The following DAB1 variants were observed in gnomAD, a reference collection of about 807,000 sequenced individuals.
The protein encoded by DAB1 is DAB adaptor protein 1, also known as disabled homolog 1.
DAB1 carries 15 observed loss-of-function variants against 64.6 expected under a neutral mutation model. The ratio of observed to expected loss-of-function variants is 0.23; its 90% CI spans 0.16 to 0.36. The LOEUF (loss-of-function observed/expected upper bound fraction) is 0.36, where lower values mean the gene tolerates loss of function less well. DAB1 is among the 10% of genes least tolerant of loss of function. The probability of loss-of-function intolerance (pLI) is 1.00; values close to 1 mark genes in which losing one functional copy is unlikely to be tolerated. For synonymous variants in DAB1, 235 were observed against 251.9 expected (o/e 0.93, Z 0.64); for missense variants, 596 against 706.7 (o/e 0.84, Z 1.78).
chr1:57,554,599 AATTC>A (rs1168680398), intron 7 of DAB1, among the ~76,000 whole-genome samples: 8 of 152,248 alleles, frequency 5.3e-5, no homozygotes, highest in Non-Finnish European at 1.5e-5. Flanking sequence ...ATGCGTTTTG[AATTC>A]CAAATAACTT....
chr1:57,138,418 T>C lies in DAB1; in HGVS notation c.208-1777A>G, dbSNP rs149341462. ...AGTGATTATCCTTTATATTGTGTTT[T>C]CCTTCTAGGGAGCCTAAGTCTCTCT... On this transcript the variant is annotated intron_variant, in intron 3 of 14. Transcript: ENST00000371236. Among the ~76,000 whole-genome samples, 257 of 152,230 alleles carry C rather than the reference T, an allele frequency of 1.7e-3. 2 individuals carry two copies. The highest frequency in any genetic ancestry group is 5.9e-3 in the African/African-American group (245 of 41,548).
intron 4 of DAB1, among the ~76,000 whole-genome samples, chr1:58,205,897 A>T (rs1658249268): frequency 1.3e-5 from 2 of 152,328 alleles, no homozygotes; most frequent in Admixed American, 1.3e-4. Context: ...GAGGGAACCC[A>T]GTTAGTCAAT....
chr1:58,108,320 G>A (rs964136405), intron 5 of DAB1, among the ~76,000 whole-genome samples: 1 of 152,166 alleles, frequency 6.6e-6, no homozygotes, highest in Admixed American at 6.5e-5. Flanking sequence ...AGACAGAATT[G>A]AGAGATACCA....
At chr1:58,309,306 A>G (rs1178474077) in intron 4 of DAB1, among the ~76,000 whole-genome samples, 4 of 152,126 alleles carry the variant, frequency 2.6e-5, no homozygotes, top group Non-Finnish European at 5.9e-5. Flanking sequence ...CGGAGCCTCA[A>G]ATGTTTGGTA....
chr1:57,240,223 C>T (rs192228946), intron 2 of DAB1, among the ~76,000 whole-genome samples: 1 of 152,208 alleles, frequency 6.6e-6, no homozygotes, highest in Non-Finnish European at 1.5e-5. Flanking sequence ...ACAAAATAAA[C>T]ATAAGGAAAA....
chr1:58,523,272 G>A (rs989445544), intron 2 of DAB1, among the ~76,000 whole-genome samples: 1 of 152,138 alleles, frequency 6.6e-6, no homozygotes, highest in Non-Finnish European at 1.5e-5. Flanking sequence ...GACTGGCTCT[G>A]TGTGGTCACG....
At chr1:58,453,073 C>G (rs1029292888) in intron 3 of DAB1, among the ~76,000 whole-genome samples, 1 of 152,172 alleles carries the variant, frequency 6.6e-6, no homozygotes, top group Non-Finnish European at 1.5e-5. Flanking sequence ...CAATTAAAAA[C>G]AACAACAAAC....
At chr1:57,951,332 A>ATATATATATATATATATATATAT (rs1491577001) in intron 5 of DAB1, among the ~76,000 whole-genome samples, 1 of 127,712 alleles carries the variant, frequency 7.8e-6, no homozygotes, top group Admixed American at 8.8e-5. Flanking sequence ...ATATATATAT[A>ATATATATATATATATATATATAT]CTTCCCTGGA....
At chr1:57,010,984 C>T (rs1418396446) in intron 13 of DAB1, among the ~76,000 whole-genome samples, 161 bp downstream of exon 13, 1 of 152,196 alleles carries the variant, frequency 6.6e-6, no homozygotes, top group Non-Finnish European at 1.5e-5. Flanking sequence ...TCAGCTGACT[C>T]ATTTGAACAC....
At chr1:57,080,253 C>T (rs1326102848) in intron 4 of DAB1, among the ~76,000 whole-genome samples, 1 of 152,148 alleles carries the variant, frequency 6.6e-6, no homozygotes, top group Middle Eastern at 3.2e-3. Context: ...TGGCAACTGT[C>T]ACTCTCCTTT....
At chr1:57,312,069 CTGT>C (rs1455158109) in intron 1 of DAB1, among the ~76,000 whole-genome samples, 1 of 152,212 alleles carries the variant, frequency 6.6e-6, no homozygotes, top group African/African-American at 2.4e-5. Flanking sequence ...TCATAACTGA[CTGT>C]TGTTACTCTC....
At chr1:58,198,377 A>G (rs1657807692) in intron 4 of DAB1, among the ~76,000 whole-genome samples, 1 of 152,242 alleles carries the variant, frequency 6.6e-6, no homozygotes, top group African/African-American at 2.4e-5. Context: ...TCATTCAAAA[A>G]GTGGCTGGGA....
At chr1:58,010,934 GTCAAGCATTT>G (rs1362687016) in intron 5 of DAB1, among the ~76,000 whole-genome samples, 1 of 152,236 alleles carries the variant, frequency 6.6e-6, no homozygotes, top group Non-Finnish European at 1.5e-5. Flanking sequence ...CTATCCTAGT[GTCAAGCATTT>G]TCTTATAAAT....
At chr1:57,910,295 C>T (rs753089645) in intron 5 of DAB1, among the ~76,000 whole-genome samples, 4 of 152,072 alleles carry the variant, frequency 2.6e-5, no homozygotes, top group Admixed American at 1.3e-4. Flanking sequence ...TTTTGAACAT[C>T]TTTACTGCTG....
In DAB1 at chr1:57,198,649, TCA is replaced by T. The variant is rs57872654; in HGVS notation, c.68-53222_68-53221del. Among the ~76,000 whole-genome samples, 438 of 128,310 alleles carry T rather than the reference TCA, an allele frequency of 3.4e-3. 1 individual carries two copies. Among genetic ancestry groups the T allele is most frequent in the African/African-American group, 6.2e-3 (208 of 33,670 alleles). 84.2% of individuals were successfully genotyped at this position (128,310 alleles called of 152,430 possible). ...CCTCCCTCCCTGCATCTTCTCTCTCTCACACACACACACACACACACACACAC... is the reference window on the plus strand; with the variant it reads ...CCTCCCTCCCTGCATCTTCTCTCTCTCACACACACACACACACACACACAC... On this transcript the variant is annotated intron_variant, in intron 2 of 14. Transcript: ENST00000371236.
intron 4 of DAB1, among the ~76,000 whole-genome samples, chr1:57,102,326 T>C (rs751762095): frequency 1.3e-5 from 2 of 152,232 alleles, no homozygotes; most frequent in Non-Finnish European, 2.9e-5. Flanking sequence ...GATATTATGA[T>C]GGCTTGAGAT....
At chr1:58,478,215 C>A (rs1270216713) in intron 3 of DAB1, among the ~76,000 whole-genome samples, 1 of 152,178 alleles carries the variant, frequency 6.6e-6, no homozygotes, top group Admixed American at 6.5e-5. Context: ...CTCTTACTCA[C>A]TCTCTCTTGC....
At chr1:58,478,100 G>A (rs1016827560) in intron 3 of DAB1, among the ~76,000 whole-genome samples, 2 of 152,172 alleles carry the variant, frequency 1.3e-5, no homozygotes, top group African/African-American at 4.8e-5. Context: ...CATGTGACAA[G>A]AAAGGTAAGT....
At chr1:58,426,617 A>G (rs2100231713) in intron 3 of DAB1, among the ~76,000 whole-genome samples, 1 of 152,328 alleles carries the variant, frequency 6.6e-6, no homozygotes, top group East Asian at 1.9e-4. Context: ...GCAGGAAAAA[A>G]GGCAGGAAAC....
Sources: gnomAD v4.1 joint callset for allele counts (sites outside exome capture counted in the v4.1 genomes callset) on GRCh38, gnomAD v4.1.1 for gene constraint, MANE v1.5 for transcripts, NCBI Gene and HGNC (gene_info 2026-07-23, HGNC 2026-07-21) for gene names.